The following CLEC2L variants were observed in gnomAD, a reference collection of about 807,000 sequenced individuals.
CLEC2L encodes C-type lectin domain family 2 member L.
In CLEC2L, 14 loss-of-function variants were observed where a neutral mutation model predicts 23.6. The observed-to-expected ratio is 0.59, with a 90% CI of 0.39 to 0.93. The LOEUF is 0.93. Among genes scored for constraint, CLEC2L ranks in the 40% least tolerant of loss-of-function variants. The probability of loss-of-function intolerance (pLI) is 0.00; values close to 1 mark genes in which losing one functional copy is unlikely to be tolerated. For missense variants in CLEC2L, 264 were observed against 282.4 expected, an observed-to-expected ratio of 0.93 and a Z score of 0.47; for synonymous variants, 114 against 121.3, an observed-to-expected ratio of 0.94 and a Z score of 0.40.
rs73156830 is a variant in CLEC2L, at chr7:139,540,607, G to T, written c.432+120G>T. The T allele has an allele frequency of 9.3e-6, 11 of 1,178,316 alleles. No individual in the cohort carries two copies. Among genetic ancestry groups the T allele is most frequent in the African/African-American group, 1.5e-5 (1 of 64,820 alleles). The allele number at this position is 1,178,316 out of a possible 1,614,324, so 73.0% of individuals were successfully genotyped here. The stretch of plus-strand genomic sequence containing the variant: ...TTCCCTGTGACACGTCTCCAAAGCC[G>T]CCCACCTGCTGCATAACCACTTGGG... On this transcript the variant is annotated intron_variant, in intron 3 of 4. Transcript: ENST00000422142. The surrounding 1 kb of genome is among the most constrained non-coding windows in gnomAD (Gnocchi z 5.8).
chr7:139,534,001 G>T lies in CLEC2L; in HGVS notation c.191-2273G>T, dbSNP rs28537130. ...ACTTAACTGTGCACTCAATGGTTAAGATGGTAAAAAAAAATCCAAACAAAA... is the reference window on the plus strand; with the variant it reads ...ACTTAACTGTGCACTCAATGGTTAATATGGTAAAAAAAAATCCAAACAAAA... On this transcript the variant is annotated intron_variant, in intron 1 of 4. Transcript: ENST00000422142. Among the ~76,000 whole-genome samples the T allele has an allele frequency of 8.4e-3, 1,279 of 152,282 alleles. 19 individuals are homozygous for T. Among genetic ancestry groups the T allele is most frequent in the African/African-American group, 0.029 (1,225 of 41,550 alleles).
rs544927937 is a variant in CLEC2L, at chr7:139,531,917, A to G, written c.191-4357A>G. Among the ~76,000 whole-genome samples, 10 of 152,146 alleles carry G rather than the reference A, an allele frequency of 6.6e-5. No individual in the cohort carries two copies. The East Asian group carries it at 1.9e-3, about 29-fold the overall frequency. ...AGAGCAAGACTCTGTCTCAAAAAAA[A>G]AAAGAAAAAGAAAAAGAAAAAAAAT... On this transcript the variant is annotated intron_variant, in intron 1 of 4. Coordinates refer to ENST00000422142, the MANE Select transcript of CLEC2L (RefSeq NM_001080511.4).
chr7:139,544,562 C>A lies in CLEC2L; in HGVS notation c.*220C>A. The A allele has an allele frequency of 1.7e-6, 1 of 581,072 alleles. No individual in the cohort carries two copies. The highest frequency in any genetic ancestry group is 3.1e-6 in the Non-Finnish European group (1 of 325,138). The allele number at this position is 581,072 out of a possible 1,614,324, so 36.0% of individuals were successfully genotyped here. On this transcript the variant is annotated 3_prime_UTR_variant, in exon 5 of 5. Transcript: ENST00000422142. ...GTCGTGTGGCTCAGCAGTTAAATCC[C>A]ATATGCTAGGTAGTGTAGGCATCTG... is the stretch of plus-strand genomic sequence containing the variant.
chr7:139,532,707 G>A (rs959769240), intron 1 of CLEC2L, among the ~76,000 whole-genome samples: 6 of 152,156 alleles, frequency 3.9e-5, no homozygotes, highest in Admixed American at 3.9e-4. Context: ...ATAAGAAAAG[G>A]AACAGACACC....
chr7:139,534,462 G>A lies in CLEC2L; in HGVS notation c.191-1812G>A, dbSNP rs77272937. The A allele has an allele frequency of 1.8e-3, 1,483 of 802,030 alleles. 16 individuals carry two copies. The African/African-American group carries it at 0.022, about 12-fold the overall frequency. 49.7% of individuals were successfully genotyped at this position (802,030 alleles called of 1,614,324 possible). ...CCTCAGCTGCCTGGTTTACCGAGCT[G>A]ATACCCAGACATACCAGCCTTATAA... is the stretch of plus-strand genomic sequence containing the variant. On this transcript the variant is annotated intron_variant, in intron 1 of 4. Transcript: ENST00000422142.
chr7:139,541,483 T>C (rs1188612064), intron 3 of CLEC2L, among the ~76,000 whole-genome samples: 3 of 152,254 alleles, frequency 2.0e-5, no homozygotes, highest in Non-Finnish European at 2.9e-5. Flanking sequence ...ATGGAGTCTA[T>C]TGGCCATTTT....
chr7:139,538,414 A>G (rs1466770531), intron 2 of CLEC2L, among the ~76,000 whole-genome samples: 2 of 150,360 alleles, frequency 1.3e-5, no homozygotes, highest in African/African-American at 4.9e-5. Context: ...CCTGAGTGAC[A>G]GAAGAGACTC....
In CLEC2L at chr7:139,543,041, G is replaced by A. The variant is rs1396324041; in HGVS notation, c.533+920G>A. Among the ~76,000 whole-genome samples the A allele has an allele frequency of 2.0e-5, 3 of 152,162 alleles. No homozygotes were observed. In the East Asian group the frequency reaches 5.8e-4, roughly 29 times the overall value. On this transcript the variant is annotated intron_variant, in intron 4 of 4. Coordinates refer to ENST00000422142, the MANE Select transcript of CLEC2L (RefSeq NM_001080511.4). ...ATGATGCGTGAACGTCCCCAAGGCA[G>A]GGGCTAAAGCAGAAGGGCATCTGAG...
intron 4 of CLEC2L, among the ~76,000 whole-genome samples, chr7:139,542,745 G>A (rs1797755189): frequency 6.6e-6 from 1 of 152,230 alleles, no homozygotes; most frequent in African/African-American, 2.4e-5. Flanking sequence ...CAAGTGGAGT[G>A]GATGTGAGTG....
chr7:139,536,377 A>C, intron 2 of CLEC2L, 29 bp downstream of exon 2: 12 of 1,537,450 alleles, frequency 7.8e-6, no homozygotes, highest in Non-Finnish European at 1.1e-5. Flanking sequence ...GCATTTATGC[A>C]TTCAGTTTGC....
chr7:139,540,402 AGGAACCCAGAGACT>A lies in CLEC2L; in HGVS notation c.353_366del (p.Pro118HisfsTer53). The A allele has an allele frequency of 6.2e-7, 1 of 1,609,464 alleles. No homozygotes were observed. The highest frequency in any genetic ancestry group is 8.5e-7 in the Non-Finnish European group (1 of 1,178,234). Reference sequence around the variant, plus strand: ...GGAAGGAAGTGCTACTTCTTTTCCGAGGAACCCAGAGACTGGAACACAGGCAGGCAGTACTGCCA... The same window carrying A: ...GGAAGGAAGTGCTACTTCTTTTCCGAGGAACACAGGCAGGCAGTACTGCCA... On this transcript the variant is annotated frameshift_variant, in exon 3 of 5. Coordinates refer to ENST00000422142, the MANE Select transcript of CLEC2L (RefSeq NM_001080511.4). LOFTEE classifies it high-confidence loss of function. This position sits in a 1 kb window ranked among gnomAD's most constrained non-coding sequence, Gnocchi z 5.8.
chr7:139,529,454 A>T (rs974880838), intron 1 of CLEC2L, among the ~76,000 whole-genome samples: 2 of 152,238 alleles, frequency 1.3e-5, no homozygotes, highest in Admixed American at 1.3e-4. Flanking sequence ...AGCATCAATG[A>T]TAGAGAAGAG....
chr7:139,532,282 T>C (rs979707023), intron 1 of CLEC2L, among the ~76,000 whole-genome samples: 3 of 152,154 alleles, frequency 2.0e-5, no homozygotes, highest in African/African-American at 4.8e-5. Flanking sequence ...ATGAGAAGCG[T>C]TGATCCTTGG....
chr7:139,531,796 G>C (rs1028452193), intron 1 of CLEC2L, among the ~76,000 whole-genome samples: 4 of 152,010 alleles, frequency 2.6e-5, no homozygotes, highest in Non-Finnish European at 5.9e-5. Flanking sequence ...TGTAATCTCA[G>C]CTACTTGGGA....
chr7:139,525,676 A>G (rs959917975), intron 1 of CLEC2L, among the ~76,000 whole-genome samples: 1 of 152,154 alleles, frequency 6.6e-6, no homozygotes, highest in Non-Finnish European at 1.5e-5. Context: ...TTTATTCGTC[A>G]GCATTTCTGA....
At chr7:139,533,391 T>C (rs939094557) in intron 1 of CLEC2L, among the ~76,000 whole-genome samples, 1 of 152,226 alleles carries the variant, frequency 6.6e-6, no homozygotes, top group Non-Finnish European at 1.5e-5. Flanking sequence ...AGTCTCGCTT[T>C]GTCGCTCAGA....
chr7:139,527,602 G>A (rs1797523427), intron 1 of CLEC2L, among the ~76,000 whole-genome samples: 3 of 152,134 alleles, frequency 2.0e-5, no homozygotes, highest in Admixed American at 2.0e-4. Flanking sequence ...GTGACCCGGA[G>A]AGCCCGCCTG....
At chr7:139,542,179 C>T (rs1797745660) in intron 4 of CLEC2L, 58 bp downstream of exon 4, 2 of 1,167,998 alleles carry the variant, frequency 1.7e-6, no homozygotes, top group East Asian at 2.5e-5. Context: ...GCCTGACTCA[C>T]CCCCTGGACA....
Position 139,531,909 on chromosome 7 carries a change from CAA to C in CLEC2L, c.191-4355_191-4354del, listed in dbSNP as rs11289572. Among the ~76,000 whole-genome samples the C allele has an allele frequency of 3.3e-3, 443 of 132,390 alleles. 2 individuals are homozygous for C. The highest frequency in any genetic ancestry group is 0.011 in the African/African-American group (409 of 36,744). 86.9% of individuals were successfully genotyped at this position (132,390 alleles called of 152,430 possible). A position where few individuals can be genotyped will look rare whatever the true frequency, so the allele number is the denominator to read the frequency against. ...TGGGCAACAGAGCAAGACTCTGTCT[CAA>C]AAAAAAAAAGAAAAAGAAAAAGAAA... On this transcript the variant is annotated intron_variant, in intron 1 of 4. Coordinates refer to ENST00000422142, the MANE Select transcript of CLEC2L (RefSeq NM_001080511.4).
Sources: gnomAD v4.1 joint callset for allele counts (sites outside exome capture counted in the v4.1 genomes callset) on GRCh38, gnomAD v4.1.1 for gene constraint, Gnocchi (gnomAD v3.1) non-coding constraint, MANE v1.5 for transcripts, NCBI Gene and HGNC (gene_info 2026-07-23, HGNC 2026-07-21) for gene names.